The following DNAH5 variants were observed in gnomAD, a reference collection of about 807,000 sequenced individuals.
DNAH5 encodes dynein axonemal heavy chain 5, also known as axonemal beta dynein heavy chain 5.
Under a neutral mutation model 518.2 loss-of-function variants are expected in DNAH5, and 372 were observed. That is an observed-to-expected ratio of 0.72 (90% confidence interval 0.66 to 0.78). The LOEUF (loss-of-function observed/expected upper bound fraction) is 0.78. Among genes scored for constraint, DNAH5 ranks in the 30% least tolerant of loss-of-function variants. DNAH5 has a pLI of 0.00. For synonymous variants in DNAH5, 2,039 were observed against 2,025.9 expected, an observed-to-expected ratio of 1.01 and a Z score of -0.17; for missense variants, 5,523 against 5,687.0, an observed-to-expected ratio of 0.97 and a Z score of 0.93.
Position 13,788,781 on chromosome 5 carries a change from A to G in DNAH5, c.8582T>C (p.Leu2861Pro), listed in dbSNP as rs199783473. 2 of 1,613,992 alleles carry G rather than the reference A, an allele frequency of 1.2e-6. No homozygotes were observed. Among genetic ancestry groups the G allele is most frequent in the Non-Finnish European group, 1.7e-6 (2 of 1,180,012 alleles). The change falls in exon 51 of 79, where the codon CTC becomes CCC. Residue 2861 changes from leucine (L) to proline (P), a missense_variant. Transcript: ENST00000265104. Reference sequence around the variant, plus strand: ...TGTGTCAATTCCACAATCCACCAAGAGTTTTTTCTCTTCACCAAACTCCTC... The same window carrying G: ...TGTGTCAATTCCACAATCCACCAAGGGTTTTTTCTCTTCACCAAACTCCTC... ...VEEEFGEEKK[L>P]LVDCGIDTYF...
upstream of DNAH5, among the ~76,000 whole-genome samples, chr5:13,948,487 C>T (rs339443): frequency 0.96 from 146,024 of 152,178 alleles, 70,146 homozygotes; most frequent in East Asian, 0.99. Context: ...TCAAAGGAAA[C>T]TTTTGGAGAA....
Position 13,756,449 on chromosome 5 carries a change from A to C in DNAH5, c.10420-2111T>G, listed in dbSNP as rs1023265584. ...CATGATTATTTACCTAACAAATAGCAGATGCTCAAAAACAATAAAGCTTGC... is the reference window on the plus strand; with the variant it reads ...CATGATTATTTACCTAACAAATAGCCGATGCTCAAAAACAATAAAGCTTGC... On this transcript the variant is annotated intron_variant, in intron 61 of 78. Transcript: ENST00000265104. Among the ~76,000 whole-genome samples the C allele has an allele frequency of 9.2e-5, 14 of 152,216 alleles. 1 individual carries two copies. Among genetic ancestry groups the C allele is most frequent in the African/African-American group, 2.9e-4 (12 of 41,460 alleles).
intron 65 of DNAH5, among the ~76,000 whole-genome samples, chr5:13,741,203 C>T (rs1237399520): frequency 1.3e-5 from 2 of 152,056 alleles, no homozygotes; most frequent in Non-Finnish European, 1.5e-5. Context: ...AGCAAAGACC[C>T]CTGGCCTCTG....
Position 13,788,874 on chromosome 5 carries a change from A to AT in DNAH5, c.8488dup (p.Ile2830AsnfsTer3), listed in dbSNP as rs766847199. On this transcript the variant is annotated frameshift_variant, in exon 51 of 79. Transcript: ENST00000265104. LOFTEE classifies it high-confidence loss of function. ...ACTGGACACTGTGAAACGGTCAGCTATAACACGTTTACACTCATGCTTCCA... is the reference window on the plus strand; with the variant it reads ...ACTGGACACTGTGAAACGGTCAGCTATTAACACGTTTACACTCATGCTTCCA... 1.9e-6 allele frequency: 3 copies of AT among 1,614,064 alleles called. No individual in the cohort carries two copies. The highest frequency in any genetic ancestry group is 2.5e-6 in the Non-Finnish European group (3 of 1,180,040).
At chr5:13,993,479 C>T (rs566344621) in intron 1 of DNAH5, among the ~76,000 whole-genome samples, 1 of 152,264 alleles carries the variant, frequency 6.6e-6, no homozygotes, top group South Asian at 2.1e-4. Flanking sequence ...ATATTCTACC[C>T]CACTGTACTA....
intron 1 of DNAH5, among the ~76,000 whole-genome samples, chr5:13,981,384 G>T (rs1025009788): frequency 1.3e-5 from 2 of 152,170 alleles, no homozygotes; most frequent in East Asian, 3.9e-4. Context: ...GCTTAGAGTG[G>T]AACATTATTA....
intron 4 of DNAH5, 119 bp downstream of exon 4, chr5:13,923,161 T>C: frequency 1.5e-6 from 2 of 1,318,362 alleles, no homozygotes; most frequent in South Asian, 1.3e-5. Context: ...AAAATACTTC[T>C]CTGAAAGTAG....
intron 6 of DNAH5, 91 bp downstream of exon 6, chr5:13,920,389 C>T (rs1580892485): frequency 6.4e-7 from 1 of 1,555,676 alleles, no homozygotes; most frequent in Non-Finnish European, 8.8e-7. Flanking sequence ...AAACGCTTAA[C>T]AAATGGAATG....
At position 13,913,853 on chromosome 5, in the gene DNAH5, A is replaced by T. The variant is rs1224874223; in HGVS notation, c.1426T>A (p.Phe476Ile). The change falls in exon 11 of 79, where the codon TTT becomes ATT. Residue 476 changes from phenylalanine to isoleucine, a missense_variant. This residue lies in a region of DNAH5 where 5,121 missense variants were observed against 5,223.3 expected (regional missense o/e 0.98). Coordinates refer to ENST00000265104, the MANE Select transcript of DNAH5 (RefSeq NM_001369.3). ...ATTATCTTGGCAAGGCGTCGGTGAA[A>T]AGTTTCGAATTTTCCAAAAATATAC... is the stretch of plus-strand genomic sequence containing the variant. ...EMYIFGKFET[F>I]HRRLAKIIDI... 2 of 1,613,654 alleles carry T rather than the reference A, an allele frequency of 1.2e-6. No individual in the cohort carries two copies. The highest frequency in any genetic ancestry group is 1.7e-5 in the Admixed American group (1 of 60,006).
intron 1 of DNAH5, among the ~76,000 whole-genome samples, chr5:13,969,209 C>T (rs946390994): frequency 3.3e-5 from 5 of 152,194 alleles, no homozygotes; most frequent in Non-Finnish European, 7.4e-5. Context: ...CTTCTCTCTT[C>T]TCTTCTTAAT....
chr5:13,957,131 T>C (rs1166507981), intron 1 of DNAH5, among the ~76,000 whole-genome samples: 2 of 152,182 alleles, frequency 1.3e-5, no homozygotes, highest in African/African-American at 4.8e-5. Flanking sequence ...GTTAATAAAA[T>C]GAGATTAATC....
intron 58 of DNAH5, among the ~76,000 whole-genome samples, chr5:13,768,356 A>G (rs1182730691): frequency 1.3e-5 from 2 of 152,180 alleles, no homozygotes; most frequent in Admixed American, 6.5e-5. Flanking sequence ...ACCTTCTGCC[A>G]TGATCGTAAG....
intron 55 of DNAH5, among the ~76,000 whole-genome samples, chr5:13,775,329 G>A (rs1461772312): frequency 3.3e-5 from 5 of 151,826 alleles, no homozygotes; most frequent in East Asian, 1.9e-4. Flanking sequence ...ATAGTGAAGC[G>A]CTGAGAATAA....
intron 65 of DNAH5, among the ~76,000 whole-genome samples, chr5:13,746,289 T>C (rs190497810): frequency 1.6e-4 from 25 of 152,276 alleles, no homozygotes; most frequent in African/African-American, 6.0e-4. Flanking sequence ...CTGTGCTCAG[T>C]CTCTAATCAT....
At chr5:13,760,523 C>T (rs1580102207) in intron 60 of DNAH5, among the ~76,000 whole-genome samples, 1 of 152,268 alleles carries the variant, frequency 6.6e-6, no homozygotes, top group East Asian at 1.9e-4. Flanking sequence ...TTTTTTATAA[C>T]ATTCTCTTTA....
intron 1 of DNAH5, among the ~76,000 whole-genome samples, chr5:14,000,258 C>T (rs953831832): frequency 3.9e-5 from 6 of 152,144 alleles, no homozygotes; most frequent in African/African-American, 1.2e-4. Flanking sequence ...AGGACACAGC[C>T]GTGTGACTGG....
At chr5:13,925,804 G>T (rs965251279) in intron 3 of DNAH5, among the ~76,000 whole-genome samples, 1 of 152,124 alleles carries the variant, frequency 6.6e-6, no homozygotes, top group East Asian at 1.9e-4. Flanking sequence ...CTATGCAAAC[G>T]GTGAGGTTAT....
At chr5:13,904,992 T>C (rs1198611940) in intron 12 of DNAH5, among the ~76,000 whole-genome samples, 1 of 152,116 alleles carries the variant, frequency 6.6e-6, no homozygotes, top group Non-Finnish European at 1.5e-5. Flanking sequence ...AGGTAAATAA[T>C]AACCAAAAGA....
chr5:13,749,333 A>G (rs1749881420), intron 65 of DNAH5, among the ~76,000 whole-genome samples: 1 of 152,170 alleles, frequency 6.6e-6, no homozygotes, highest in South Asian at 2.1e-4. Flanking sequence ...TGATAATGAG[A>G]TAATATTAAA....
Sources: gnomAD v4.1 joint callset for allele counts (sites outside exome capture counted in the v4.1 genomes callset) on GRCh38, gnomAD v4.1.1 for gene constraint, gnomAD v4.1.1 regional missense constraint, MANE v1.5 for transcripts, NCBI Gene and HGNC (gene_info 2026-07-23, HGNC 2026-07-21) for gene names.